DRAM1: variants seen among roughly 807,000 people sequenced by gnomAD.
DRAM1 encodes the protein DNA damage regulated autophagy modulator 1, also known as DNA damage-regulated autophagy modulator protein 1.
In DRAM1, 25 loss-of-function variants were observed where a neutral mutation model predicts 28.5. The ratio of observed to expected loss-of-function variants is 0.88; its 90% CI spans 0.64 to 1.23. DRAM1 has a LOEUF of 1.23. Among genes scored for constraint, DRAM1 ranks in the 50% most tolerant of loss-of-function variants. The probability of loss-of-function intolerance (pLI) is 0.00; values close to 1 mark genes in which losing one functional copy is unlikely to be tolerated. For synonymous variants in DRAM1, 113 were observed against 114.2 expected, an observed-to-expected ratio of 0.99 and a Z score of 0.07; for missense variants, 249 against 299.2, an observed-to-expected ratio of 0.83 and a Z score of 1.24.
At chr12:101,904,855 T>G (rs1387375504) in intron 3 of DRAM1, among the ~76,000 whole-genome samples, 2 of 152,178 alleles carry the variant, frequency 1.3e-5, no homozygotes, top group African/African-American at 4.8e-5. Flanking sequence ...GTTTTAACTT[T>G]ATCGAAAATT....
chr12:101,896,134 T>G (rs1873361462), intron 1 of DRAM1, among the ~76,000 whole-genome samples: 1 of 152,178 alleles, frequency 6.6e-6, no homozygotes, highest in African/African-American at 2.4e-5. Flanking sequence ...GTGATCCACC[T>G]GCCTCGACCT....
intron 1 of DRAM1, among the ~76,000 whole-genome samples, chr12:101,879,115 C>T (rs1419331959): frequency 6.6e-6 from 1 of 152,132 alleles, no homozygotes; most frequent in Non-Finnish European, 1.5e-5. Flanking sequence ...CTGCCTCAGC[C>T]TCCCAAGTAG....
intron 1 of DRAM1, among the ~76,000 whole-genome samples, chr12:101,891,843 T>C (rs1218400171): frequency 1.3e-5 from 2 of 152,208 alleles, no homozygotes; most frequent in South Asian, 4.1e-4. Flanking sequence ...AGGAGCTGGG[T>C]AGAGAGACTA....
chr12:101,905,445 C>A (rs2121115459), intron 3 of DRAM1, among the ~76,000 whole-genome samples: 1 of 152,134 alleles, frequency 6.6e-6, no homozygotes, highest in South Asian at 2.1e-4. Flanking sequence ...TCATGCCCAG[C>A]AAATTTTTGT....
chr12:101,885,050 C>T (rs1038610567), intron 1 of DRAM1, among the ~76,000 whole-genome samples: 4 of 151,786 alleles, frequency 2.6e-5, no homozygotes, highest in Non-Finnish European at 5.9e-5. Context: ...TCTCCCACCT[C>T]ATCCTCCCGA....
chr12:101,883,207 T>C (rs1872749164), intron 1 of DRAM1, among the ~76,000 whole-genome samples: 2 of 151,142 alleles, frequency 1.3e-5, no homozygotes, highest in Admixed American at 1.3e-4. Context: ...GTGGTTTATC[T>C]GTGTGTGATG....
At chr12:101,902,508 G>A (rs776046026) in intron 3 of DRAM1, among the ~76,000 whole-genome samples, 16 of 152,170 alleles carry the variant, frequency 1.1e-4, no homozygotes, top group Non-Finnish European at 1.8e-4. Flanking sequence ...TAAAAAGGAA[G>A]ACCTAGAGTG....
intron 3 of DRAM1, among the ~76,000 whole-genome samples, chr12:101,905,498 T>G (rs755734047): frequency 4.6e-5 from 7 of 152,094 alleles, no homozygotes; most frequent in Non-Finnish European, 1.0e-4. Context: ...CCCAGGTTGG[T>G]CTTGAACTCC....
intron 1 of DRAM1, among the ~76,000 whole-genome samples, chr12:101,880,712 G>A (rs1872661228): frequency 6.6e-6 from 1 of 152,188 alleles, no homozygotes; most frequent in African/African-American, 2.4e-5. Flanking sequence ...TCATAGAGGT[G>A]TCTGATGTAG....
At position 101,895,186 on chromosome 12, in the gene DRAM1, G is replaced by GTTTTTTTTTTTTTTTTTTTTTTTTT. The variant is rs574722379; in HGVS notation, c.132-2671_132-2647dup. ...TAATGCTAAATTCGAAACCCTTCAG[G>GTTTTTTTTTTTTTTTTTTTTTTTTT]TTTTTTTTTTTTTTTTTTTTTTTTT... On this transcript the variant is annotated intron_variant, in intron 1 of 6. Coordinates refer to ENST00000258534, the MANE Select transcript of DRAM1 (RefSeq NM_018370.3). Among the ~76,000 whole-genome samples the GTTTTTTTTTTTTTTTTTTTTTTTTT allele has an allele frequency of 1.2e-4, 9 of 75,734 alleles. No individual in the cohort carries two copies. In the East Asian group the frequency reaches 3.3e-3, roughly 28 times the overall value. The allele number at this position is 75,734 out of a possible 152,430, so 49.7% of individuals were successfully genotyped here. A position where few individuals can be genotyped will look rare whatever the true frequency, so the allele number is the denominator to read the frequency against.
At chr12:101,890,958 C>G (rs868323734) in intron 1 of DRAM1, among the ~76,000 whole-genome samples, 20 of 151,896 alleles carry the variant, frequency 1.3e-4, no homozygotes, top group Non-Finnish European at 2.2e-4. Context: ...ACCATGTTGG[C>G]CAGGATGGTC....
intron 1 of DRAM1, among the ~76,000 whole-genome samples, chr12:101,885,000 C>T (rs1872833098): frequency 6.8e-6 from 1 of 147,724 alleles, no homozygotes; most frequent in Non-Finnish European, 1.5e-5. Flanking sequence ...ATGGCGCAAT[C>T]TTGGCCCACT....
Position 101,877,686 on chromosome 12 carries a change from C to A in DRAM1, c.-104C>A. ...GCCGTCGCGGAGCCTCCCCTCCCAC[C>A]GTCCGTGAGTGTACGCGCCCGGCCG... is the stretch of plus-strand genomic sequence containing the variant. On this transcript the variant is annotated 5_prime_UTR_variant, in exon 1 of 7. Transcript: ENST00000258534. This position sits in a 1 kb window ranked among gnomAD's most constrained non-coding sequence, Gnocchi z 4.1. 4.6e-6 allele frequency: 4 copies of A among 870,398 alleles called. No individual in the cohort carries two copies. Among genetic ancestry groups the A allele is most frequent in the Non-Finnish European group, 6.0e-6 (4 of 665,866 alleles). The allele number at this position is 870,398 out of a possible 1,614,324, so 53.9% of individuals were successfully genotyped here.
rs114884633 is a variant in DRAM1, at chr12:101,902,050, T to G, written c.342+617T>G. Among the ~76,000 whole-genome samples the G allele has an allele frequency of 2.4e-3, 363 of 152,256 alleles. 3 individuals carry two copies. The highest frequency in any genetic ancestry group is 8.3e-3 in the African/African-American group (345 of 41,548). ...TACTTCAGCTACTGTGATGATTTTGTTAAGAGTGTGAAAATATTTGTATGT... is the reference window on the plus strand; with the variant it reads ...TACTTCAGCTACTGTGATGATTTTGGTAAGAGTGTGAAAATATTTGTATGT... On this transcript the variant is annotated intron_variant, in intron 3 of 6. Transcript: ENST00000258534.
In DRAM1 at chr12:101,917,379, C is replaced by T. The variant is rs12426188; in HGVS notation, c.580-2730C>T. Among the ~76,000 whole-genome samples, 1,351 of 152,268 alleles carry T rather than the reference C, an allele frequency of 8.9e-3. 39 individuals carry two copies. Among genetic ancestry groups the T allele is most frequent in the Admixed American group, 0.071 (1,089 of 15,290 alleles). On this transcript the variant is annotated intron_variant, in intron 5 of 6. Coordinates refer to ENST00000258534, the MANE Select transcript of DRAM1 (RefSeq NM_018370.3). ...GAAGATGGTGAGGAAGAGAATGATC[C>T]AGACAGGAGATCAAAAAGTGCTTCT...
chr12:101,879,861 G>T (rs1872629214), intron 1 of DRAM1, among the ~76,000 whole-genome samples: 1 of 152,066 alleles, frequency 6.6e-6, no homozygotes, highest in Non-Finnish European at 1.5e-5. Context: ...GGGCGTGGTG[G>T]TGCACGCCTG....
At chr12:101,918,499 A>G (rs1053046382) in intron 5 of DRAM1, among the ~76,000 whole-genome samples, 5 of 152,212 alleles carry the variant, frequency 3.3e-5, no homozygotes, top group African/African-American at 1.2e-4. Flanking sequence ...ACCTAGCATG[A>G]AAACAGTGGG....
chr12:101,883,004 A>G (rs1872743487), intron 1 of DRAM1, among the ~76,000 whole-genome samples: 1 of 151,246 alleles, frequency 6.6e-6, no homozygotes, highest in Admixed American at 6.6e-5. Context: ...TATTTATTAA[A>G]GGATACTTCA....
At chr12:101,912,441 T>C (rs1874074514) in intron 4 of DRAM1, among the ~76,000 whole-genome samples, 1 of 152,170 alleles carries the variant, frequency 6.6e-6, no homozygotes. Flanking sequence ...AGTTGTGATA[T>C]TTCTGAGAGC....
Sources: allele counts gnomAD v4.1 joint callset (sites outside exome capture counted in the v4.1 genomes callset), GRCh38; gene constraint gnomAD v4.1.1; non-coding constraint Gnocchi (gnomAD v3.1); transcripts MANE v1.5; gene names NCBI Gene and HGNC (gene_info 2026-07-23, HGNC 2026-07-21).